Variants in ZDHHC21 observed in about 807,000 individuals in gnomAD.
ZDHHC21 encodes the protein zDHHC palmitoyltransferase 21.
ZDHHC21 carries 15 observed loss-of-function variants against 34.6 expected under a neutral mutation model. The ratio of observed to expected loss-of-function variants is 0.43; its 90% CI spans 0.29 to 0.67. The LOEUF (loss-of-function observed/expected upper bound fraction) is 0.67. Ranked by LOEUF, ZDHHC21 falls within the 30% of genes least tolerant of loss-of-function variation. The probability of loss-of-function intolerance (pLI) is 0.14; values close to 1 mark genes in which losing one functional copy is unlikely to be tolerated. For missense variants in ZDHHC21, 344 were observed against 327.7 expected (o/e 1.05, Z -0.38); for synonymous variants, 142 against 101.8 (o/e 1.40, Z -2.38).
chr9:14,595,428 G>T, the ZDHHC21 span, among the ~76,000 whole-genome samples: 1 of 152,178 alleles, frequency 6.6e-6, no homozygotes, highest in African/African-American at 2.4e-5. Flanking sequence ...CATAATGTAT[G>T]ATTCCATTTA....
At chr9:14,593,320 T>C in the ZDHHC21 span, among the ~76,000 whole-genome samples, 3 of 152,198 alleles carry the variant, frequency 2.0e-5, no homozygotes, top group Non-Finnish European at 4.4e-5. Flanking sequence ...ACATCACTAC[T>C]GACACTACAA....
chr9:14,667,217 A>C (rs1374865854), intron 5 of ZDHHC21, among the ~76,000 whole-genome samples: 2 of 147,902 alleles, frequency 1.4e-5, no homozygotes, highest in Non-Finnish European at 3.0e-5. Context: ...GAATACTACA[A>C]ACACCTCTAC....
chr9:14,684,929 T>G (rs1686981942), intron 2 of ZDHHC21, among the ~76,000 whole-genome samples: 1 of 152,122 alleles, frequency 6.6e-6, no homozygotes, highest in African/African-American at 2.4e-5. Context: ...CTTTGACAAA[T>G]CTGACAAAAA....
At chr9:14,596,229 G>A in the ZDHHC21 span, among the ~76,000 whole-genome samples, 1 of 152,212 alleles carries the variant, frequency 6.6e-6, no homozygotes, top group Non-Finnish European at 1.5e-5. Context: ...ATTTGGCTCA[G>A]CAACAAAATG....
intron 5 of ZDHHC21, among the ~76,000 whole-genome samples, chr9:14,663,340 G>C (rs890524381): frequency 6.6e-6 from 1 of 151,972 alleles, no homozygotes; most frequent in African/African-American, 2.4e-5. Context: ...TTGAATTTTA[G>C]TACATGAAGA....
intron 2 of ZDHHC21, among the ~76,000 whole-genome samples, chr9:14,687,311 T>C (rs1587493962): frequency 6.6e-6 from 1 of 150,746 alleles, no homozygotes; most frequent in East Asian, 1.9e-4. Flanking sequence ...TGAAATGAGA[T>C]TCGTATTTCA....
Position 14,690,825 on chromosome 9 carries a change from A to T in ZDHHC21, c.-224-440T>A, listed in dbSNP as rs573023634. On this transcript the variant is annotated intron_variant, in intron 1 of 9. Coordinates refer to ENST00000380916, the MANE Select transcript of ZDHHC21 (RefSeq NM_178566.6). ...TTAACAAATCACTTTCAACAATAAAAACTGTTTTACAATTTCACCTGTATT... is the reference window on the plus strand; with the variant it reads ...TTAACAAATCACTTTCAACAATAAATACTGTTTTACAATTTCACCTGTATT... Among the ~76,000 whole-genome samples the T allele has an allele frequency of 1.1e-3, 166 of 152,220 alleles. 1 individual carries two copies. Among genetic ancestry groups the T allele is most frequent in the African/African-American group, 3.9e-3 (163 of 41,518 alleles).
In ZDHHC21 at chr9:14,614,884, G is replaced by T. The variant is rs1451423502; in HGVS notation, c.*4082C>A. ...TCAAATAAATTCTAGATATATCTATGTATATTAGAGGTCATGTCAGAAACT... is the reference window on the plus strand; with the variant it reads ...TCAAATAAATTCTAGATATATCTATTTATATTAGAGGTCATGTCAGAAACT... On this transcript the variant is annotated 3_prime_UTR_variant, in exon 10 of 10. Coordinates refer to ENST00000380916, the MANE Select transcript of ZDHHC21 (RefSeq NM_178566.6). 1 of 151,550 alleles carries T rather than the reference G, an allele frequency of 6.6e-6. No homozygotes were observed. The highest frequency in any genetic ancestry group is 1.5e-5 in the Non-Finnish European group (1 of 67,646). 9.4% of individuals were successfully genotyped at this position (151,550 alleles called of 1,614,324 possible).
At chr9:14,630,873 C>T (rs1184825179) in intron 8 of ZDHHC21, among the ~76,000 whole-genome samples, 4 of 152,204 alleles carry the variant, frequency 2.6e-5, no homozygotes, top group Non-Finnish European at 1.5e-5. Flanking sequence ...ATTCAGCAAG[C>T]CATGCTGTAA....
chr9:14,627,217 T>C lies in ZDHHC21; in HGVS notation c.622-7535A>G, dbSNP rs183440452. ...GACTGATTCGTAAAATGCTGTTTAC[T>C]AGACAGTCTCCTTTAAACTGATTTC... On this transcript the variant is annotated intron_variant, in intron 8 of 9. Transcript: ENST00000380916. 2.9e-4 allele frequency among the ~76,000 whole-genome samples: 44 copies of C among 152,290 alleles called. No homozygotes were observed. In the East Asian group the frequency reaches 6.2e-3, roughly 21 times the overall value.
chr9:14,659,311 G>A (rs899263365), intron 6 of ZDHHC21, among the ~76,000 whole-genome samples: 1 of 152,156 alleles, frequency 6.6e-6, no homozygotes, highest in African/African-American at 2.4e-5. Flanking sequence ...AAAGCAATCT[G>A]AATGCCCTGA....
the ZDHHC21 span, among the ~76,000 whole-genome samples, chr9:14,600,249 A>G: frequency 6.6e-6 from 1 of 152,234 alleles, no homozygotes; most frequent in African/African-American, 2.4e-5. Flanking sequence ...CTGTATATTT[A>G]GAAAACCCCA....
chr9:14,625,377 A>T (rs781094297), intron 8 of ZDHHC21, among the ~76,000 whole-genome samples: 55 of 152,064 alleles, frequency 3.6e-4, no homozygotes, highest in Admixed American at 3.1e-3. Flanking sequence ...CATCGAATCA[A>T]TCATAGAACA....
At chr9:14,677,236 A>T (rs759556845) in intron 3 of ZDHHC21, 1 of 152,004 alleles carries the variant, frequency 6.6e-6, no homozygotes, top group Non-Finnish European at 1.5e-5. Context: ...AGGAAAAGTG[A>T]GCACAGGATA....
chr9:14,662,101 G>C (rs1323272996), intron 6 of ZDHHC21, 114 bp downstream of exon 6: 2 of 598,710 alleles, frequency 3.3e-6, no homozygotes, highest in Non-Finnish European at 5.5e-6. Context: ...TCCTTATTAA[G>C]ATATTGTAAA....
intron 5 of ZDHHC21, among the ~76,000 whole-genome samples, chr9:14,672,251 A>G (rs1380888974): frequency 6.6e-6 from 1 of 152,128 alleles, no homozygotes; most frequent in Admixed American, 6.6e-5. Flanking sequence ...ACATTCCTGA[A>G]TAAATGTCAC....
intron 7 of ZDHHC21, among the ~76,000 whole-genome samples, chr9:14,652,622 C>T (rs777437938): frequency 1.3e-5 from 2 of 151,818 alleles, no homozygotes; most frequent in Admixed American, 6.6e-5. Context: ...AAACAGAAGG[C>T]GAGGAGAAGA....
At chr9:14,673,628 A>AT (rs1835862064) in intron 4 of ZDHHC21, among the ~76,000 whole-genome samples, 3 of 151,874 alleles carry the variant, frequency 2.0e-5, no homozygotes, top group Admixed American at 6.6e-5. Flanking sequence ...ATATATATAA[A>AT]ATTTCCCATG....
intron 6 of ZDHHC21, among the ~76,000 whole-genome samples, chr9:14,660,956 T>A (rs1333983050): frequency 6.6e-6 from 1 of 152,180 alleles, no homozygotes; most frequent in African/African-American, 2.4e-5. Context: ...CACGTAGCTT[T>A]CTAAAAATCT....
Sources: gnomAD v4.1 joint callset for allele counts (sites outside exome capture counted in the v4.1 genomes callset) on GRCh38, gnomAD v4.1.1 for gene constraint, MANE v1.5 for transcripts, NCBI Gene and HGNC (gene_info 2026-07-23, HGNC 2026-07-21) for gene names.